Variants in GALNT1 observed in about 807,000 individuals in gnomAD.
GALNT1 encodes polypeptide N-acetylgalactosaminyltransferase 1.
A neutral mutation model predicts 65.7 loss-of-function variants in GALNT1; 17 were observed. That is an observed-to-expected ratio of 0.26 (90% CI 0.18 to 0.39). The LOEUF is 0.39. GALNT1 is among the 10% of genes least tolerant of loss of function. The probability of loss-of-function intolerance (pLI) is 1.00; values close to 1 mark genes in which losing one functional copy is unlikely to be tolerated. For synonymous variants in GALNT1, 210 were observed against 219.7 expected, an observed-to-expected ratio of 0.96 and a Z score of 0.39; for missense variants, 460 against 672.8, an observed-to-expected ratio of 0.68 and a Z score of 3.50.
intron 1 of GALNT1, among the ~76,000 whole-genome samples, chr18:35,617,505 T>G (rs2046800173): frequency 6.6e-6 from 1 of 152,190 alleles, no homozygotes; most frequent in Admixed American, 6.5e-5. Context: ...GACAGAACAG[T>G]GAAACGAGCC....
rs1424968700 is a variant in GALNT1, at chr18:35,687,071, A to C, written c.745A>C (p.Met249Leu). The C allele has an allele frequency of 6.2e-7, 1 of 1,613,864 alleles. No individual in the cohort carries two copies. Residue 249 changes from methionine to leucine, a missense_variant, in exon 6 of 12, where the codon ATG becomes CTG. Physicochemically the swap from Met to Leu is conservative, Grantham distance 15 (BLOSUM62 2). Coordinates refer to ENST00000269195, the MANE Select transcript of GALNT1 (RefSeq NM_020474.4). ...GATCAGTGATGATACTTTTGAGTAC[A>C]TGGCAGGCTCTGATATGACCTATGG... ...DVISDDTFEYMAGSDMTYGGF... is the reference protein window; with the variant it reads ...DVISDDTFEYLAGSDMTYGGF...
chr18:35,706,419 G>A (rs375595474), intron 11 of GALNT1, among the ~76,000 whole-genome samples: 21 of 152,094 alleles, frequency 1.4e-4, no homozygotes, highest in South Asian at 8.3e-4. Context: ...GGAGAATGGC[G>A]TGAACCCAGG....
At chr18:35,634,629 GAGTC>G (rs1384590386) in intron 1 of GALNT1, among the ~76,000 whole-genome samples, 1 of 152,190 alleles carries the variant, frequency 6.6e-6, no homozygotes, top group Non-Finnish European at 1.5e-5. Context: ...CCTCATTAGA[GAGTC>G]AGTGCCCGAG....
intron 2 of GALNT1, chr18:35,659,792 A>G (rs1212153560): frequency 6.6e-6 from 1 of 152,230 alleles, no homozygotes. Flanking sequence ...AAACTTTAAA[A>G]TATTACTAGT....
intron 1 of GALNT1, among the ~76,000 whole-genome samples, chr18:35,603,692 C>T (rs796858103): frequency 3.9e-5 from 6 of 152,234 alleles, no homozygotes; most frequent in African/African-American, 1.4e-4. Context: ...CATGACTTCT[C>T]TTCTTCCCCA....
chr18:35,672,041 G>A (rs1214885876), intron 3 of GALNT1, among the ~76,000 whole-genome samples: 1 of 152,102 alleles, frequency 6.6e-6, no homozygotes, highest in African/African-American at 2.4e-5. Context: ...TTAATATCTT[G>A]ATAGTGGCAA....
chr18:35,600,750 C>G (rs2046572168), intron 1 of GALNT1, among the ~76,000 whole-genome samples: 1 of 152,014 alleles, frequency 6.6e-6, no homozygotes, highest in Non-Finnish European at 1.5e-5. Context: ...TATTGACTTG[C>G]ATATTTTGAG....
At chr18:35,581,563 G>GAGC (rs772941062), upstream of GALNT1, among the ~76,000 whole-genome samples, 140,026 of 140,048 alleles carry the variant, frequency 1, 70,002 homozygotes, top group Middle Eastern at 1. Flanking sequence ...GCCGCGCGAC[G>GAGC]AGCCCCAAGT....
At chr18:35,649,702 T>C (rs1026593381) in intron 1 of GALNT1, among the ~76,000 whole-genome samples, 1 of 152,222 alleles carries the variant, frequency 6.6e-6, no homozygotes, top group African/African-American at 2.4e-5. Flanking sequence ...TTTATTCTGT[T>C]TTATTCCAGA....
At chr18:35,589,362 A>G (rs1278304776) in intron 1 of GALNT1, among the ~76,000 whole-genome samples, 1 of 152,138 alleles carries the variant, frequency 6.6e-6, no homozygotes, top group Non-Finnish European at 1.5e-5. Context: ...TAGGCTACCC[A>G]CCTGACCTTT....
intron 11 of GALNT1, among the ~76,000 whole-genome samples, chr18:35,705,088 C>G (rs1183353010): frequency 2.0e-5 from 3 of 152,194 alleles, no homozygotes. Context: ...AATGTTGTCC[C>G]AAGTTACTGA....
chr18:35,633,460 C>T (rs889753603), intron 1 of GALNT1, among the ~76,000 whole-genome samples: 1 of 151,172 alleles, frequency 6.6e-6, no homozygotes, highest in Non-Finnish European at 1.5e-5. Context: ...AACCAAACAC[C>T]CCATGTTCTC....
At chr18:35,649,400 T>C (rs1407612086) in intron 1 of GALNT1, among the ~76,000 whole-genome samples, 1 of 152,238 alleles carries the variant, frequency 6.6e-6, no homozygotes, top group Non-Finnish European at 1.5e-5. Flanking sequence ...TTGTTTGTTT[T>C]CTTACTGTGT....
chr18:35,638,832 G>C (rs982024704), intron 1 of GALNT1, among the ~76,000 whole-genome samples: 2 of 152,152 alleles, frequency 1.3e-5, no homozygotes, highest in African/African-American at 4.8e-5. Flanking sequence ...TCAAAACATT[G>C]ACAGGAGTTT....
intron 8 of GALNT1, 109 bp downstream of exon 8, chr18:35,691,301 G>A (rs2144660656): frequency 1.2e-6 from 1 of 833,214 alleles, no homozygotes; most frequent in Non-Finnish European, 1.8e-6. Flanking sequence ...GTGAACACCT[G>A]CCTCATAAGG....
At chr18:35,665,743 T>G (rs887653882) in intron 3 of GALNT1, among the ~76,000 whole-genome samples, 1 of 152,186 alleles carries the variant, frequency 6.6e-6, no homozygotes, top group Non-Finnish European at 1.5e-5. Flanking sequence ...AATCTTATAT[T>G]CAGCCAAACT....
intron 4 of GALNT1, among the ~76,000 whole-genome samples, chr18:35,679,473 T>C (rs2047757443): frequency 6.6e-6 from 1 of 152,150 alleles, no homozygotes; most frequent in Admixed American, 6.5e-5. Flanking sequence ...AGCAGTTCTC[T>C]CTTTCCTTTC....
chr18:35,610,358 C>T (rs2046702181), intron 1 of GALNT1, among the ~76,000 whole-genome samples: 2 of 152,164 alleles, frequency 1.3e-5, no homozygotes, highest in South Asian at 2.1e-4. Context: ...CAGTCACTTG[C>T]TAACAAGCCA....
chr18:35,630,363 A>C (rs543511412), intron 1 of GALNT1, among the ~76,000 whole-genome samples: 1 of 152,360 alleles, frequency 6.6e-6, no homozygotes, highest in African/African-American at 2.4e-5. Context: ...CTCTCAGACC[A>C]CAGTGCAACC....
Sources: allele counts gnomAD v4.1 joint callset (sites outside exome capture counted in the v4.1 genomes callset), GRCh38; gene constraint gnomAD v4.1.1; transcripts MANE v1.5; gene names NCBI Gene and HGNC (gene_info 2026-07-23, HGNC 2026-07-21).